Variants in FECH observed in about 807,000 individuals in gnomAD.
The protein encoded by FECH is ferrochelatase, also known as ferrochelatase, mitochondrial.
FECH carries 40 observed loss-of-function variants against 56.9 expected under a neutral mutation model. The observed-to-expected ratio is 0.70, with a 90% CI of 0.55 to 0.92. The LOEUF is 0.92. Ranked by LOEUF, FECH falls within the 40% of genes least tolerant of loss-of-function variation. FECH has a pLI of 0.00. For missense variants in FECH, 431 were observed against 529.1 expected (o/e 0.81, Z 1.82); for synonymous variants, 175 against 198.6 (o/e 0.88, Z 1.00).
Position 57,548,851 on chromosome 18 carries a change from G to A in FECH, c.*1861C>T, listed in dbSNP as rs1326648597. ...TAAGTGCTTCAGATATACTCGCAAG[G>A]GCTCCTGAATTGGAGTTTTCTGCAT... On this transcript the variant is annotated 3_prime_UTR_variant, in exon 11 of 11. Transcript: ENST00000262093. The A allele has an allele frequency of 1.3e-5, 2 of 152,134 alleles. No homozygotes were observed. The highest frequency in any genetic ancestry group is 2.9e-5 in the Non-Finnish European group (2 of 68,024). 9.4% of individuals were successfully genotyped at this position (152,134 alleles called of 1,614,324 possible). A position where few individuals can be genotyped will look rare whatever the true frequency, so the allele number is the denominator to read the frequency against.
At chr18:57,563,022 T>C (rs200908073) in intron 5 of FECH, 42 bp from the exon 6 acceptor site, 9 of 1,528,456 alleles carry the variant, frequency 5.9e-6, no homozygotes, top group South Asian at 3.4e-5. Context: ...ATTTTGATTA[T>C]GGTGAAAATA....
chr18:57,576,596 G>A (rs183405776), intron 2 of FECH, among the ~76,000 whole-genome samples: 14 of 152,254 alleles, frequency 9.2e-5, no homozygotes, highest in East Asian at 5.8e-4. Flanking sequence ...GTGTGCAAAC[G>A]GGATTTAGAG....
At chr18:57,573,389 T>C in intron 2 of FECH, 24 bp from the exon 3 acceptor site, 10 of 1,613,702 alleles carry the variant, frequency 6.2e-6, no homozygotes, top group Non-Finnish European at 8.5e-6. Context: ...AATACAACGG[T>C]TGATTTGTCA....
At chr18:57,577,957 GT>G (rs34611377) in intron 2 of FECH, among the ~76,000 whole-genome samples, 2 of 150,442 alleles carry the variant, frequency 1.3e-5, no homozygotes, top group East Asian at 1.9e-4. Flanking sequence ...ATGTTTTAAG[GT>G]TTTTTTTGTT....
At chr18:57,568,216 G>A (rs750394895) in intron 4 of FECH, among the ~76,000 whole-genome samples, 6 of 152,090 alleles carry the variant, frequency 3.9e-5, no homozygotes, top group Non-Finnish European at 4.4e-5. Flanking sequence ...CCGGCTTCTC[G>A]CATTTTCTTT....
intron 5 of FECH, among the ~76,000 whole-genome samples, chr18:57,563,261 A>G (rs1177897659): frequency 1.3e-5 from 2 of 152,206 alleles, no homozygotes; most frequent in Admixed American, 1.3e-4. Flanking sequence ...ATAAGCAGTC[A>G]TATTTACAGG....
At chr18:57,571,718 A>C in intron 3 of FECH, 178 bp from the exon 4 acceptor site, 1 of 792,324 alleles carries the variant, frequency 1.3e-6, no homozygotes, top group Non-Finnish European at 2.0e-6. Context: ...TAGAATAAGG[A>C]GCTAAAGCTA....
Position 57,550,700 on chromosome 18 carries a change from C to T in FECH, c.*12G>A, listed in dbSNP as rs527375029. 43 of 1,614,058 alleles carry T rather than the reference C, an allele frequency of 2.7e-5. 1 individual carries two copies. The South Asian group carries it at 4.6e-4, about 17-fold the overall frequency. On this transcript the variant is annotated 3_prime_UTR_variant, in exon 11 of 11. Transcript: ENST00000262093. ...GGCATTTGCCTAACGCCACGGGGTCCACCGGCGGGGGTCACAGCTGCTGGC... is the reference window on the plus strand; with the variant it reads ...GGCATTTGCCTAACGCCACGGGGTCTACCGGCGGGGGTCACAGCTGCTGGC...
At chr18:57,570,774 AGCATTTTTACTTCATCCAT>A (rs1299309721) in intron 4 of FECH, among the ~76,000 whole-genome samples, 1 of 152,232 alleles carries the variant, frequency 6.6e-6, no homozygotes, top group African/African-American at 2.4e-5. Context: ...TGTTTAATAC[AGCATTTTTACTTCATCCAT>A]GCATTTAGTG....
At chr18:57,582,217 A>G (rs1000465102) in intron 1 of FECH, among the ~76,000 whole-genome samples, 1 of 152,194 alleles carries the variant, frequency 6.6e-6, no homozygotes. Context: ...CAAGTTTAGC[A>G]TCCCAAATGT....
intron 7 of FECH, among the ~76,000 whole-genome samples, chr18:57,556,664 G>A (rs8085589): frequency 0.47 from 72,094 of 151,868 alleles, 17,207 homozygotes; most frequent in Admixed American, 0.51. Flanking sequence ...CAATCTCAGC[G>A]CTTTGGGAGG....
At chr18:57,557,387 C>T (rs958180152) in intron 7 of FECH, among the ~76,000 whole-genome samples, 12 of 152,188 alleles carry the variant, frequency 7.9e-5, no homozygotes, top group African/African-American at 2.9e-4. Context: ...TGGCATTTCC[C>T]GGTCCCACAA....
At chr18:57,569,891 T>C (rs1331405252) in intron 4 of FECH, among the ~76,000 whole-genome samples, 2 of 151,664 alleles carry the variant, frequency 1.3e-5, no homozygotes, top group African/African-American at 2.4e-5. Flanking sequence ...TGGAATGCAA[T>C]GGCATGATCA....
At position 57,548,820 on chromosome 18, in the gene FECH, A is replaced by T. The variant is rs984118734; in HGVS notation, c.*1892T>A. 1 of 152,252 alleles carries T rather than the reference A, an allele frequency of 6.6e-6. No individual in the cohort carries two copies. Among genetic ancestry groups the T allele is most frequent in the African/African-American group, 2.4e-5 (1 of 41,466 alleles). 9.4% of individuals were successfully genotyped at this position (152,252 alleles called of 1,614,324 possible). On this transcript the variant is annotated 3_prime_UTR_variant, in exon 11 of 11. Transcript: ENST00000262093. Reference sequence around the variant, plus strand: ...TACTGCTATCAATTCAGGTTTCCTTAGCAAATAAGTGCTTCAGATATACTC... The same window carrying T: ...TACTGCTATCAATTCAGGTTTCCTTTGCAAATAAGTGCTTCAGATATACTC...
At chr18:57,576,704 T>G (rs1261271520) in intron 2 of FECH, among the ~76,000 whole-genome samples, 4 of 152,220 alleles carry the variant, frequency 2.6e-5, no homozygotes, top group Admixed American at 1.3e-4. Flanking sequence ...ATGTTGATCT[T>G]ACACATGAAA....
In FECH at chr18:57,586,646, C is replaced by G. The variant is rs1003264778; in HGVS notation, c.-26G>C. On this transcript the variant is annotated 5_prime_UTR_variant, in exon 1 of 11. Transcript: ENST00000262093. ...TGCCTGGGCAGCCTCGGCCCGAGTC[C>G]GGGCTCCTCCCGCGGCGGCGCGCCC... 6.7e-7 allele frequency: 1 copy of G among 1,492,952 alleles called. No homozygotes were observed. The highest frequency in any genetic ancestry group is 1.2e-5 in the South Asian group (1 of 80,104). The allele number at this position is 1,492,952 out of a possible 1,614,324, so 92.5% of individuals were successfully genotyped here.
intron 2 of FECH, among the ~76,000 whole-genome samples, chr18:57,577,260 G>A (rs547477223): frequency 6.6e-6 from 1 of 152,280 alleles, no homozygotes; most frequent in South Asian, 2.1e-4. Context: ...CCTACTGCCT[G>A]TTTTTGTAAA....
chr18:57,586,464 G>C, intron 1 of FECH, 90 bp downstream of exon 1: 2 of 1,376,440 alleles, frequency 1.5e-6, no homozygotes, highest in Non-Finnish European at 2.0e-6. Context: ...CGAATCCCCC[G>C]GGCGCGAGGG....
At chr18:57,555,019 G>T in intron 7 of FECH, 67 bp from the exon 8 acceptor site, 2 of 1,231,882 alleles carry the variant, frequency 1.6e-6, no homozygotes, top group Non-Finnish European at 2.4e-6. Context: ...CTCTGACTAT[G>T]TGCTGACACA....
Sources: gnomAD v4.1 joint callset for allele counts (sites outside exome capture counted in the v4.1 genomes callset) on GRCh38, gnomAD v4.1.1 for gene constraint, MANE v1.5 for transcripts, NCBI Gene and HGNC (gene_info 2026-07-23, HGNC 2026-07-21) for gene names.